DNAH17: variants seen among roughly 807,000 people sequenced by gnomAD.
DNAH17 encodes dynein axonemal heavy chain 17.
DNAH17 carries 376 observed loss-of-function variants against 485.6 expected under a neutral mutation model. That is an observed-to-expected ratio of 0.77 (90% CI 0.71 to 0.84). DNAH17 has a LOEUF of 0.84. Ranked by LOEUF, DNAH17 falls within the 40% of genes least tolerant of loss-of-function variation. The pLI is 0.00. For missense variants in DNAH17, 6,370 were observed against 5,839.3 expected (o/e 1.09, Z -2.96); for synonymous variants, 3,031 against 2,405.9 (o/e 1.26, Z -7.60).
At chr17:78,521,047 C>G (rs1245251763) in intron 25 of DNAH17, among the ~76,000 whole-genome samples, 2 of 152,174 alleles carry the variant, frequency 1.3e-5, no homozygotes, top group African/African-American at 4.8e-5. Context: ...GAACAGAGCA[C>G]AGAACCCATC....
At chr17:78,438,142 C>G (rs1331828295) in intron 73 of DNAH17, among the ~76,000 whole-genome samples, 1 of 151,828 alleles carries the variant, frequency 6.6e-6, no homozygotes, top group Non-Finnish European at 1.5e-5. Flanking sequence ...TCCTTTGTGT[C>G]CTCCCTGGCA....
In DNAH17 at chr17:78,476,681, C is replaced by T. The variant is rs1213977704; in HGVS notation, c.8045G>A (p.Arg2682His). The T allele has an allele frequency of 1.9e-6, 3 of 1,612,878 alleles. No homozygotes were observed. The highest frequency in any genetic ancestry group is 1.3e-5 in the African/African-American group (1 of 75,012). Residue 2682 changes from arginine (R) to histidine (H), a missense_variant, in exon 52 of 81, where the codon CGC (arginine) becomes CAC (histidine). By Grantham distance (29) the Arg-to-His change is conservative. Coordinates refer to ENST00000389840, the MANE Select transcript of DNAH17 (RefSeq NM_173628.4). ...TCGTTCAGTCTCATGTAGCCAAAGG[C>T]GGACGAGGTCCAGTGGGGTTTTCAG... is the stretch of plus-strand genomic sequence containing the variant. The part of the protein sequence containing the change: ...EVLKTPLDLV[R>H]LWLHETERVY...
intron 76 of DNAH17, among the ~76,000 whole-genome samples, 197 bp downstream of exon 76, chr17:78,428,924 T>TTAA (rs765650279): frequency 5.8e-5 from 6 of 103,300 alleles, no homozygotes; most frequent in South Asian, 3.6e-4. Flanking sequence ...TTTCTTTCTT[T>TTAA]AAAAAAAAAA....
chr17:78,430,365 TCA>T (rs1316537936), intron 75 of DNAH17, among the ~76,000 whole-genome samples: 7 of 152,190 alleles, frequency 4.6e-5, no homozygotes, highest in Admixed American at 1.3e-4. Context: ...ATCCTGCCGC[TCA>T]CAGTCAGCTT....
chr17:78,532,072 T>C (rs1414710403), intron 20 of DNAH17, among the ~76,000 whole-genome samples: 1 of 152,204 alleles, frequency 6.6e-6, no homozygotes, highest in Non-Finnish European at 1.5e-5. Flanking sequence ...TGCTACCCAC[T>C]AGCCCTCAGC....
chr17:78,503,518 G>A (rs576619435), intron 31 of DNAH17, among the ~76,000 whole-genome samples: 15 of 151,954 alleles, frequency 9.9e-5, no homozygotes, highest in African/African-American at 2.7e-4. Flanking sequence ...ATAGGATCTC[G>A]CTCTGCTGCC....
At position 78,428,558 on chromosome 17, in the gene DNAH17, C is replaced by A; in HGVS notation, c.12555G>T (p.Ser4185=). Residue 4185 remains serine (S), a synonymous_variant, in exon 77 of 81, where the codon TCG becomes TCT. Coordinates refer to ENST00000389840, the MANE Select transcript of DNAH17 (RefSeq NM_173628.4). ...CGCGGGACACTCCCGTGCCTGCCCCCGAGTCCGTCTCTTTTGGCTGCATTT... is the reference window on the plus strand; with the variant it reads ...CGCGGGACACTCCCGTGCCTGCCCCAGAGTCCGTCTCTTTTGGCTGCATTT... ...VLEMQPKETD[S]GAGTGVSREE... The A allele has an allele frequency of 6.2e-7, 1 of 1,612,802 alleles. No individual in the cohort carries two copies. Among genetic ancestry groups the A allele is most frequent in the Non-Finnish European group, 8.5e-7 (1 of 1,179,408 alleles).
At chr17:78,490,525 C>T (rs139120069) in intron 44 of DNAH17, among the ~76,000 whole-genome samples, 174 bp downstream of exon 44, 1 of 145,396 alleles carries the variant, frequency 6.9e-6, no homozygotes, top group African/African-American at 2.6e-5. Context: ...TGTGAATTTA[C>T]ACCATTTATT....
At chr17:78,507,947 G>T (rs1184262965) in intron 27 of DNAH17, 142 bp from the exon 28 acceptor site, 4 of 748,546 alleles carry the variant, frequency 5.3e-6, no homozygotes, top group Non-Finnish European at 8.4e-6. Flanking sequence ...AGGAGCCAAA[G>T]GCAGATCCAA....
chr17:78,490,954 G>A (rs1468669896), intron 43 of DNAH17, 107 bp from the exon 44 acceptor site: 1 of 1,327,276 alleles, frequency 7.5e-7, no homozygotes, highest in Non-Finnish European at 1.0e-6. Flanking sequence ...AGGAGGAGGG[G>A]CCCAGGCCAG....
intron 62 of DNAH17, among the ~76,000 whole-genome samples, chr17:78,458,011 C>T (rs1012410965): frequency 6.6e-6 from 1 of 152,130 alleles, no homozygotes; most frequent in African/African-American, 2.4e-5. Flanking sequence ...GTCATATTGG[C>T]CAGGCTGGTC....
intron 70 of DNAH17, 151 bp downstream of exon 70, chr17:78,445,407 G>A (rs1308771686): frequency 2.7e-5 from 30 of 1,113,036 alleles, no homozygotes; most frequent in Non-Finnish European, 3.4e-5. Flanking sequence ...GCCCATCTTG[G>A]TCTCCATCCC....
chr17:78,551,163 G>A (rs957213033), intron 16 of DNAH17, among the ~76,000 whole-genome samples: 3 of 152,220 alleles, frequency 2.0e-5, no homozygotes, highest in African/African-American at 7.2e-5. Context: ...GCTAATGAAG[G>A]ATTCCCCCAG....
At chr17:78,481,104 C>T (rs1327475090) in intron 48 of DNAH17, among the ~76,000 whole-genome samples, 50 of 142,530 alleles carry the variant, frequency 3.5e-4, no homozygotes, top group African/African-American at 1.2e-3. Context: ...CCCCATCCCC[C>T]GGCTTTTTTT....
chr17:78,574,806 G>T lies in DNAH17; in HGVS notation c.252C>A (p.Ser84=), dbSNP rs772157563. 6.2e-7 allele frequency: 1 copy of T among 1,614,000 alleles called. No individual in the cohort carries two copies. The highest frequency in any genetic ancestry group is 8.5e-7 in the Non-Finnish European group (1 of 1,179,896). ...SKGVYFIKTK[S]ENINKDNYRA... ...TGTAGTTGTCCTTGTTGATGTTCTC[G>T]GACTTTGTCTTGATGAAGTAAACCC... The change falls in exon 2 of 81, where the codon TCC becomes TCA. Residue 84 remains serine (S), a synonymous_variant. Coordinates refer to ENST00000389840, the MANE Select transcript of DNAH17 (RefSeq NM_173628.4).
Position 78,571,786 on chromosome 17 carries a change from C to G in DNAH17, c.540-4G>C. 6.4e-7 allele frequency: 1 copy of G among 1,573,046 alleles called. No individual in the cohort carries two copies. ...GTTGTCCAGTGAAGAGGGGATCCTG[C>G]CCAGTGGAAGGTTGGGGCATTGCTC... On this transcript the variant is annotated splice_region_variant and splice_polypyrimidine_tract_variant and intron_variant, in intron 3 of 80. Coordinates refer to ENST00000389840, the MANE Select transcript of DNAH17 (RefSeq NM_173628.4).
At chr17:78,559,210 C>T (rs1023758565) in intron 13 of DNAH17, among the ~76,000 whole-genome samples, 12 of 152,318 alleles carry the variant, frequency 7.9e-5, no homozygotes, top group Admixed American at 2.6e-4. Context: ...GTGGCTCCCA[C>T]GTTTATGTCT....
chr17:78,515,916 C>T (rs2090766955), intron 25 of DNAH17, among the ~76,000 whole-genome samples: 1 of 151,940 alleles, frequency 6.6e-6, no homozygotes, highest in South Asian at 2.1e-4. Context: ...AAACTTCACT[C>T]ACAACAATAT....
chr17:78,426,658 G>A, intron 78 of DNAH17, 58 bp from the exon 79 acceptor site: 1 of 1,539,938 alleles, frequency 6.5e-7, no homozygotes, highest in Non-Finnish European at 8.8e-7. Context: ...GAGAGCACCA[G>A]CCCCAGTGCG....
Sources: allele counts gnomAD v4.1 joint callset (sites outside exome capture counted in the v4.1 genomes callset), GRCh38; gene constraint gnomAD v4.1.1; transcripts MANE v1.5; gene names NCBI Gene and HGNC (gene_info 2026-07-23, HGNC 2026-07-21).